Variants in ALG12 observed in about 807,000 individuals in gnomAD.
ALG12 encodes ALG12 alpha-1,6-mannosyltransferase, also known as dol-P-Man:Man(7)GlcNAc(2)-PP-Dol alpha-1,6-mannosyltransferase.
A neutral mutation model predicts 46.0 loss-of-function variants in ALG12; 36 were observed. That is an observed-to-expected ratio of 0.78 (90% CI 0.60 to 1.03). The LOEUF (loss-of-function observed/expected upper bound fraction) is 1.03. Among genes scored for constraint, ALG12 ranks in the 50% least tolerant of loss-of-function variants. The probability of loss-of-function intolerance (pLI) is 0.00; values close to 1 mark genes in which losing one functional copy is unlikely to be tolerated. For missense variants in ALG12, 599 were observed against 633.5 expected, an observed-to-expected ratio of 0.95 and a Z score of 0.58; for synonymous variants, 326 against 291.6, an observed-to-expected ratio of 1.12 and a Z score of -1.20.
chr22:49,875,947 T>TC, the ALG12 span, among the ~76,000 whole-genome samples: 2 of 151,846 alleles, frequency 1.3e-5, no homozygotes, highest in African/African-American at 4.8e-5. Context: ...TTTTTTTCTT[T>TC]TTTTTTTATT....
At chr22:49,885,438 G>A in the ALG12 span, 193 of 1,610,024 alleles carry the variant, frequency 1.2e-4, no homozygotes, top group African/African-American at 2.0e-3. Flanking sequence ...GGAAGAAGCC[G>A]ACTAACTTGG....
the ALG12 span, among the ~76,000 whole-genome samples, chr22:49,881,174 C>T: frequency 3.9e-5 from 6 of 151,966 alleles, no homozygotes; most frequent in Non-Finnish European, 7.4e-5. Flanking sequence ...GGCGAAACCC[C>T]GTCTCTACTA....
chr22:49,903,170 C>G lies in ALG12; in HGVS notation c.*668G>C, dbSNP rs1601817518. On this transcript the variant is annotated 3_prime_UTR_variant, in exon 10 of 10. Coordinates refer to ENST00000330817, the MANE Select transcript of ALG12 (RefSeq NM_024105.4). ...AATAGTCACCTGTGATAAGCTATCACATAGGAAACATTTTTAAAATTTCAT... is the reference window on the plus strand; with the variant it reads ...AATAGTCACCTGTGATAAGCTATCAGATAGGAAACATTTTTAAAATTTCAT... 2.7e-6 allele frequency: 1 copy of G among 372,652 alleles called. No homozygotes were observed. Among genetic ancestry groups the G allele is most frequent in the East Asian group, 7.5e-5 (1 of 13,356 alleles). 23.1% of individuals were successfully genotyped at this position (372,652 alleles called of 1,614,324 possible). A position where few individuals can be genotyped will look rare whatever the true frequency, so the allele number is the denominator to read the frequency against.
rs1447273927 is a variant in ALG12, at chr22:49,903,052, G to A, written c.*786C>T. The A allele has an allele frequency of 8.6e-6, 3 of 349,112 alleles. No homozygotes were observed. The highest frequency in any genetic ancestry group is 1.7e-5 in the Non-Finnish European group (3 of 179,338). The allele number at this position is 349,112 out of a possible 1,614,324, so 21.6% of individuals were successfully genotyped here. On this transcript the variant is annotated 3_prime_UTR_variant, in exon 10 of 10. Transcript: ENST00000330817. ...GCAGCAGCACCTGGTCCCATCTCCA[G>A]TGCCCAGCAGCATCACACGCACTTT... is the stretch of plus-strand genomic sequence containing the variant.
chr22:49,899,871 G>A (rs557741386), downstream of ALG12, among the ~76,000 whole-genome samples: 1 of 152,036 alleles, frequency 6.6e-6, no homozygotes, highest in Admixed American at 6.5e-5. Flanking sequence ...AGTGTTAGGT[G>A]AAAAAAACGG....
At chr22:49,883,642 C>T in the ALG12 span, 11 of 1,522,274 alleles carry the variant, frequency 7.2e-6, no homozygotes, top group South Asian at 9.1e-5. Flanking sequence ...TAAGATACAG[C>T]CGGAGTAGTT....
the ALG12 span, among the ~76,000 whole-genome samples, chr22:49,893,454 A>G: frequency 7.2e-5 from 11 of 152,356 alleles, no homozygotes; most frequent in African/African-American, 1.9e-4. Context: ...GGAGCAATAA[A>G]GCTGGCAGCT....
At chr22:49,897,980 TTATG>T (rs1299783456), downstream of ALG12, among the ~76,000 whole-genome samples, 1 of 151,716 alleles carries the variant, frequency 6.6e-6, no homozygotes, top group African/African-American at 2.4e-5. Flanking sequence ...GTTTTCTTAT[TTATG>T]AGTTTTAAGA....
the ALG12 span, among the ~76,000 whole-genome samples, chr22:49,881,152 C>T: frequency 1.3e-5 from 2 of 152,048 alleles, no homozygotes; most frequent in Non-Finnish European, 1.5e-5. Flanking sequence ...TCAAGACCAG[C>T]CTGGCCAACA....
In ALG12 at chr22:49,906,217, C is replaced by T. The variant is rs2147582902; in HGVS notation, c.992+1504G>A. Among the ~76,000 whole-genome samples, 1 of 152,330 alleles carries T rather than the reference C, an allele frequency of 6.6e-6. No individual in the cohort carries two copies. Among genetic ancestry groups the T allele is most frequent in the South Asian group, 2.1e-4 (1 of 4,830 alleles). The stretch of plus-strand genomic sequence containing the variant: ...GACACAGAGCTGGGTCCAGTTCCCA[C>T]TGGATCTTCTTCCCTGCTGGAAAAG... On this transcript the variant is annotated intron_variant, in intron 7 of 9. Coordinates refer to ENST00000330817, the MANE Select transcript of ALG12 (RefSeq NM_024105.4). This position sits in a 1 kb window ranked among gnomAD's most constrained non-coding sequence, Gnocchi z 4.4.
the ALG12 span, among the ~76,000 whole-genome samples, chr22:49,866,012 C>G: frequency 6.6e-6 from 1 of 152,054 alleles, no homozygotes; most frequent in Non-Finnish European, 1.5e-5. Context: ...CTGGCTAGTT[C>G]ACTTTTTTCC....
the ALG12 span, among the ~76,000 whole-genome samples, chr22:49,894,804 G>T: frequency 6.6e-6 from 1 of 152,216 alleles, no homozygotes. Flanking sequence ...CCATCCTGCC[G>T]GACGGCCGTC....
At chr22:49,880,450 C>G in the ALG12 span, among the ~76,000 whole-genome samples, 1 of 152,242 alleles carries the variant, frequency 6.6e-6, no homozygotes, top group African/African-American at 2.4e-5. Context: ...TTCCGACTCC[C>G]CGCCCCGCAG....
At chr22:49,871,631 T>C in the ALG12 span, among the ~76,000 whole-genome samples, 4 of 152,172 alleles carry the variant, frequency 2.6e-5, no homozygotes. Flanking sequence ...CAACTCATAA[T>C]CTCAGCTGGG....
the ALG12 span, among the ~76,000 whole-genome samples, chr22:49,892,858 GA>G: frequency 2.8e-4 from 43 of 152,172 alleles, no homozygotes; most frequent in African/African-American, 9.9e-4. Flanking sequence ...GAGACACACT[GA>G]AAAAAAGGAC....
At chr22:49,884,755 C>T in the ALG12 span, 1 of 1,595,308 alleles carries the variant, frequency 6.3e-7, no homozygotes, top group Non-Finnish European at 8.6e-7. Flanking sequence ...CTTGCTGCCG[C>T]CGGAGGGGGA....
the ALG12 span, among the ~76,000 whole-genome samples, chr22:49,863,407 T>C: frequency 6.6e-6 from 1 of 152,198 alleles, no homozygotes; most frequent in East Asian, 1.9e-4. Context: ...GGCAGGCGGA[T>C]CACGAGGTCA....
the ALG12 span, among the ~76,000 whole-genome samples, chr22:49,870,211 T>C: frequency 6.6e-6 from 1 of 152,252 alleles, no homozygotes; most frequent in Non-Finnish European, 1.5e-5. Context: ...CACATTTTCC[T>C]TATCCAGTCC....
chr22:49,874,455 G>A, the ALG12 span, among the ~76,000 whole-genome samples: 36 of 150,246 alleles, frequency 2.4e-4, no homozygotes, highest in South Asian at 3.6e-3. Context: ...GTGCGATCTC[G>A]GCTCACTGCA....
Sources: allele counts gnomAD v4.1 joint callset (sites outside exome capture counted in the v4.1 genomes callset), GRCh38; gene constraint gnomAD v4.1.1; non-coding constraint Gnocchi (gnomAD v3.1); transcripts MANE v1.5; gene names NCBI Gene and HGNC (gene_info 2026-07-23, HGNC 2026-07-21).